Variants in NRXN3 observed in about 807,000 individuals in gnomAD.
The protein encoded by NRXN3 is neurexin III.
Under a neutral mutation model 137.6 loss-of-function variants are expected in NRXN3, and 32 were observed. The observed-to-expected ratio is 0.23, with a 90% CI of 0.18 to 0.31. The LOEUF (loss-of-function observed/expected upper bound fraction) is 0.31. Among genes scored for constraint, NRXN3 ranks in the 10% least tolerant of loss-of-function variants. NRXN3 has a pLI of 1.00. For missense variants in NRXN3, 1,574 were observed against 2,062.5 expected, an observed-to-expected ratio of 0.76 and a Z score of 4.59; for synonymous variants, 798 against 784.5, an observed-to-expected ratio of 1.02 and a Z score of -0.29.
At chr14:78,900,753 G>T (rs573438908) in intron 10 of NRXN3, among the ~76,000 whole-genome samples, 2 of 152,124 alleles carry the variant, frequency 1.3e-5, no homozygotes, top group African/African-American at 4.8e-5. Flanking sequence ...GTAGGGAGAA[G>T]GGCTGAGAAA....
At chr14:79,093,554 G>A (rs1341500266) in intron 15 of NRXN3, among the ~76,000 whole-genome samples, 4 of 152,168 alleles carry the variant, frequency 2.6e-5, no homozygotes, top group Admixed American at 6.5e-5. Context: ...ATGGCCCTGG[G>A]ACCAAAGAAG....
At chr14:78,599,266 C>A (rs2097183721) in intron 4 of NRXN3, among the ~76,000 whole-genome samples, 1 of 152,256 alleles carries the variant, frequency 6.6e-6, no homozygotes. Context: ...AAGAGGGCAT[C>A]TTTGAAACCT....
At chr14:78,678,471 A>G (rs1416054329) in intron 6 of NRXN3, among the ~76,000 whole-genome samples, 1 of 152,044 alleles carries the variant, frequency 6.6e-6, no homozygotes, top group Non-Finnish European at 1.5e-5. Flanking sequence ...TTTCATCCAC[A>G]GTTGTGCCAG....
At chr14:79,271,622 G>A (rs930124488) in intron 15 of NRXN3, among the ~76,000 whole-genome samples, 2 of 144,276 alleles carry the variant, frequency 1.4e-5, no homozygotes, top group Non-Finnish European at 3.0e-5. Flanking sequence ...TTGCCTTTCT[G>A]TATCCCATGG....
chr14:78,912,429 A>G (rs1347377489), intron 10 of NRXN3, among the ~76,000 whole-genome samples: 3 of 151,908 alleles, frequency 2.0e-5, no homozygotes, highest in African/African-American at 7.3e-5. Flanking sequence ...GCTTGAGACT[A>G]TATGTCTCCA....
In NRXN3 at chr14:78,431,408, A is replaced by G. The variant is rs4903757; in HGVS notation, c.757+133548A>G. On this transcript the variant is annotated intron_variant, in intron 4 of 20. Transcript: ENST00000335750. ...ATGCAATGTGATGTTCCCTAAGGGT[A>G]TGGCAATAGGAGTATAGGAATGAGT... Among the ~76,000 whole-genome samples, 702 of 152,348 alleles carry G rather than the reference A, an allele frequency of 4.6e-3. 4 individuals carry two copies. The highest frequency in any genetic ancestry group is 9.3e-3 in the Admixed American group (143 of 15,298).
At chr14:79,269,210 C>T (rs2078931567) in intron 15 of NRXN3, among the ~76,000 whole-genome samples, 2 of 152,022 alleles carry the variant, frequency 1.3e-5, no homozygotes, top group South Asian at 4.1e-4. Context: ...CCACCACGCC[C>T]GGCTAATTTT....
chr14:79,280,105 T>C, intron 15 of NRXN3: 2 of 1,404,082 alleles, frequency 1.4e-6, no homozygotes, highest in South Asian at 3.4e-5. Context: ...TTATCTTTTT[T>C]TTTTCTTTCT....
rs57715515 is a variant in NRXN3 at position 79,719,380 on chromosome 14, ATG to A, written c.4014+21451_4014+21452del. 6.9e-5 allele frequency among the ~76,000 whole-genome samples: 10 copies of A among 145,018 alleles called. No homozygotes were observed. In the South Asian group the frequency reaches 8.9e-4, roughly 13 times the overall value. On this transcript the variant is annotated intron_variant, in intron 19 of 20. Transcript: ENST00000335750. ...GTGTATTGTGTGTATGTGTATATAT[ATG>A]TGTGTGTATATATATGTGTGTATAT...
intron 15 of NRXN3, among the ~76,000 whole-genome samples, chr14:79,003,410 CT>C (rs1429090537): frequency 1.4e-4 from 21 of 152,124 alleles, no homozygotes; most frequent in Non-Finnish European, 3.1e-4. Context: ...AAAATGTAAT[CT>C]AATTTAGTCT....
rs1296689655 is a variant in NRXN3, at chr14:79,849,490, A to G, written c.4094-11852A>G. ...TCTAAAGGAGACAAAAGTGGCCAAC[A>G]TGTATGTGAAAAGATGCTTAGCATA... On this transcript the variant is annotated intron_variant, in intron 20 of 20. Coordinates refer to ENST00000335750, the MANE Select transcript of NRXN3 (RefSeq NM_001330195.2). Among the ~76,000 whole-genome samples, 3 of 152,244 alleles carry G rather than the reference A, an allele frequency of 2.0e-5. No homozygotes were observed. In the East Asian group the frequency reaches 5.8e-4, roughly 29 times the overall value.
chr14:78,819,578 C>T (rs1292276691), intron 10 of NRXN3, among the ~76,000 whole-genome samples: 12 of 152,024 alleles, frequency 7.9e-5, no homozygotes, highest in Admixed American at 7.9e-4. Flanking sequence ...TTCTCATGGA[C>T]ACCAAATTAG....
intron 17 of NRXN3, among the ~76,000 whole-genome samples, chr14:79,672,555 ATTC>A (rs1468615801): frequency 6.6e-6 from 1 of 152,112 alleles, no homozygotes; most frequent in African/African-American, 2.4e-5. Flanking sequence ...AATAACATAC[ATTC>A]TTCTGAATTA....
rs139225756 is a variant in NRXN3, at chr14:79,296,977, G to A, written c.3263-170244G>A. On this transcript the variant is annotated intron_variant, in intron 15 of 20. Coordinates refer to ENST00000335750, the MANE Select transcript of NRXN3 (RefSeq NM_001330195.2). ...GTCCTTCTGCCTTCTTGATTCCAGC[G>A]CCCTGGCCTTCTCCCAACCATTCAT... Among the ~76,000 whole-genome samples, 104 of 152,100 alleles carry A rather than the reference G, an allele frequency of 6.8e-4. 1 individual carries two copies. Among genetic ancestry groups the A allele is most frequent in the African/African-American group, 2.0e-3 (85 of 41,524 alleles).
intron 9 of NRXN3, among the ~76,000 whole-genome samples, chr14:78,806,672 C>A (rs977457991): frequency 2.0e-5 from 3 of 152,192 alleles, no homozygotes; most frequent in Admixed American, 6.5e-5. Flanking sequence ...CTTCTGCAGG[C>A]AGCCATATGT....
chr14:79,067,393 C>G (rs1315848354), intron 15 of NRXN3, among the ~76,000 whole-genome samples: 1 of 152,048 alleles, frequency 6.6e-6, no homozygotes, highest in Non-Finnish European at 1.5e-5. Context: ...ATTTTTGCAT[C>G]AATATTTATC....
At chr14:78,495,516 TTAAG>T (rs2095763261) in intron 4 of NRXN3, among the ~76,000 whole-genome samples, 1 of 152,148 alleles carries the variant, frequency 6.6e-6, no homozygotes, top group Non-Finnish European at 1.5e-5. Context: ...CTTGAATAAT[TTAAG>T]TGAGTAACAG....
At chr14:79,471,517 G>T (rs903164871) in intron 16 of NRXN3, among the ~76,000 whole-genome samples, 3 of 152,176 alleles carry the variant, frequency 2.0e-5, no homozygotes, top group African/African-American at 7.2e-5. Context: ...TGGAAAAGCA[G>T]TATCTTAAGC....
chr14:79,135,383 A>C (rs1053318120), intron 15 of NRXN3, among the ~76,000 whole-genome samples: 4 of 152,202 alleles, frequency 2.6e-5, no homozygotes, highest in Non-Finnish European at 4.4e-5. Flanking sequence ...AATAAATCCT[A>C]GGTACCTCTC....
Sources: gnomAD v4.1 joint callset for allele counts (sites outside exome capture counted in the v4.1 genomes callset) on GRCh38, gnomAD v4.1.1 for gene constraint, MANE v1.5 for transcripts, NCBI Gene and HGNC (gene_info 2026-07-23, HGNC 2026-07-21) for gene names.